The following TNS1 variants were observed in gnomAD, a reference collection of about 807,000 sequenced individuals.
TNS1 encodes the protein tensin-1.
TNS1 carries 62 observed loss-of-function variants against 168.6 expected under a neutral mutation model. That is an observed-to-expected ratio of 0.37 (90% CI 0.30 to 0.45). The LOEUF (loss-of-function observed/expected upper bound fraction) is 0.45, where lower values mean the gene tolerates loss of function less well. TNS1 is among the 20% of genes least tolerant of loss of function. The pLI is 1.00. For missense variants in TNS1, 2,240 were observed against 2,339.4 expected (o/e 0.96, Z 0.88); for synonymous variants, 934 against 933.2 (o/e 1.00, Z -0.02).
chr2:217,859,114 T>C (rs1330630743), intron 18 of TNS1: 1 of 170,904 alleles, frequency 5.9e-6, no homozygotes, highest in Non-Finnish European at 1.2e-5. Flanking sequence ...CCCAAACCCA[T>C]GGCAGCCCCA....
intron 3 of TNS1, among the ~76,000 whole-genome samples, chr2:217,964,200 T>C (rs1957568443): frequency 6.6e-6 from 1 of 152,254 alleles, no homozygotes. Flanking sequence ...AGAGGGGTGC[T>C]GATCATAATT....
At chr2:217,987,806 G>C (rs1481476417) in intron 2 of TNS1, among the ~76,000 whole-genome samples, 1 of 152,226 alleles carries the variant, frequency 6.6e-6, no homozygotes, top group East Asian at 1.9e-4. Flanking sequence ...ATGAGCTGGA[G>C]TTTGGTCCAC....
chr2:218,031,480 TG>T (rs1309863193), intron 1 of TNS1, among the ~76,000 whole-genome samples: 1 of 150,880 alleles, frequency 6.6e-6, no homozygotes, highest in Non-Finnish European at 1.5e-5. Flanking sequence ...TGTATGAGTG[TG>T]TGTTGTGTGT....
chr2:217,900,348 C>A, intron 7 of TNS1, 115 bp downstream of exon 7: 1 of 1,212,664 alleles, frequency 8.2e-7, no homozygotes, highest in East Asian at 2.6e-5. Flanking sequence ...CCACACTCCC[C>A]ACCCGTGGCT....
chr2:218,029,081 G>T (rs1042507631), intron 1 of TNS1, among the ~76,000 whole-genome samples: 1 of 152,166 alleles, frequency 6.6e-6, no homozygotes, highest in African/African-American at 2.4e-5. Context: ...TCAGCCTCAC[G>T]CCCTCCTGCC....
chr2:217,947,594 T>C (rs1180706377), intron 3 of TNS1, among the ~76,000 whole-genome samples: 2 of 151,908 alleles, frequency 1.3e-5, no homozygotes, highest in Non-Finnish European at 2.9e-5. Context: ...GAGCAATGAA[T>C]TGTGTGTGTC....
At chr2:218,030,773 C>T (rs1293966646) in intron 1 of TNS1, among the ~76,000 whole-genome samples, 3 of 152,136 alleles carry the variant, frequency 2.0e-5, no homozygotes, top group East Asian at 1.9e-4. Flanking sequence ...TTGAAATACA[C>T]GGGGTGGATA....
chr2:217,908,494 C>T (rs187724982), intron 4 of TNS1, among the ~76,000 whole-genome samples: 236 of 152,276 alleles, frequency 1.5e-3, no homozygotes, highest in Non-Finnish European at 8.5e-4. Context: ...GCACAAGAGG[C>T]GCCTGCTCCA....
chr2:217,954,029 A>G (rs527315824), intron 3 of TNS1, among the ~76,000 whole-genome samples: 1 of 152,328 alleles, frequency 6.6e-6, no homozygotes, highest in South Asian at 2.1e-4. Context: ...GGAGACACTG[A>G]TCCTGTAAGA....
chr2:217,919,349 C>G (rs576709487), intron 4 of TNS1, among the ~76,000 whole-genome samples: 1 of 152,228 alleles, frequency 6.6e-6, no homozygotes, highest in Non-Finnish European at 1.5e-5. Context: ...AGGCTCCTGC[C>G]GACATTAGTA....
intron 19 of TNS1, among the ~76,000 whole-genome samples, chr2:217,846,969 T>G (rs987337): frequency 0.42 from 63,316 of 152,096 alleles, 13,994 homozygotes; most frequent in African/African-American, 0.59. Context: ...TTTCATGGCC[T>G]CTAGGAGCGG....
chr2:217,889,380 A>T (rs1951524262), intron 12 of TNS1, among the ~76,000 whole-genome samples: 2 of 152,228 alleles, frequency 1.3e-5, no homozygotes, highest in South Asian at 4.1e-4. Context: ...GACCCTCAGC[A>T]TGATGAGGCT....
chr2:217,821,932 C>G lies in TNS1; in HGVS notation c.3380G>C (p.Arg1127Pro). ...CCGTGCCACAGACTCCACATAGCTC[C>G]GGGGCTCTGGAAGGGGCAAGAGGAC... ...DILLHPTGEP[R>P]SYVESVARTA... The change falls in exon 23 of 33, where the codon CGG (arginine) becomes CCG (proline). Residue 1127 changes from arginine to proline, a missense_variant. Physicochemically the swap from Arg to Pro is moderately radical, Grantham distance 103 (BLOSUM62 -2). Transcript: ENST00000682258. 1 of 1,584,246 alleles carries G rather than the reference C, an allele frequency of 6.3e-7. No homozygotes were observed. Among genetic ancestry groups the G allele is most frequent in the Non-Finnish European group, 8.6e-7 (1 of 1,165,394 alleles).
At position 217,917,212 on chromosome 2, in the gene TNS1, C is replaced by G. The variant is rs569423594; in HGVS notation, c.228+2983G>C. Among the ~76,000 whole-genome samples the G allele has an allele frequency of 1.1e-4, 17 of 152,270 alleles. No homozygotes were observed. In the East Asian group the frequency reaches 3.1e-3, roughly 28 times the overall value. ...GGACTCAACAGCCCCACCCATTCAC[C>G]AGCTAGGGAACATGGAGTCATAGCA... On this transcript the variant is annotated intron_variant, in intron 4 of 32. Coordinates refer to ENST00000682258, the MANE Select transcript of TNS1 (RefSeq NM_001387777.1).
rs1288229420 is a variant in TNS1 at position 217,802,957 on chromosome 2, T to A, written c.*1502A>T. 1 of 152,656 alleles carries A rather than the reference T, an allele frequency of 6.6e-6. No homozygotes were observed. Among genetic ancestry groups the A allele is most frequent in the Non-Finnish European group, 1.5e-5 (1 of 68,040 alleles). The allele number at this position is 152,656 out of a possible 1,614,324, so 9.5% of individuals were successfully genotyped here. ...CTGGCTTAGAGTCCTTAAATGGTGG[T>A]CAGGTGTTTTCCCAACTGTCCAGTG... On this transcript the variant is annotated 3_prime_UTR_variant, in exon 33 of 33. Coordinates refer to ENST00000682258, the MANE Select transcript of TNS1 (RefSeq NM_001387777.1).
chr2:217,808,007 C>T (rs1191755377), intron 32 of TNS1, 68 bp downstream of exon 32: 14 of 1,582,636 alleles, frequency 8.8e-6, no homozygotes, highest in Admixed American at 1.7e-5. Flanking sequence ...TCTAAATGTG[C>T]CCCGTGCTTC....
chr2:217,860,885 G>A (rs1243350000), intron 18 of TNS1, among the ~76,000 whole-genome samples: 2 of 152,072 alleles, frequency 1.3e-5, no homozygotes, highest in Non-Finnish European at 2.9e-5. Context: ...TCCTGCCAGT[G>A]GCAACCCCAT....
In TNS1 at chr2:217,884,929, C is replaced by A. The variant is rs1041390368; in HGVS notation, c.1246+106G>T. 6 of 1,440,960 alleles carry A rather than the reference C, an allele frequency of 4.2e-6. No individual in the cohort carries two copies. The African/African-American group carries it at 7.1e-5, about 17-fold the overall frequency. The allele number at this position is 1,440,960 out of a possible 1,614,324, so 89.3% of individuals were successfully genotyped here. Reference sequence around the variant, plus strand: ...ACCATCACCCTGAGACTAGACAGACCACATGGTCCAGAAAAGATGGTCCCC... The same window carrying A: ...ACCATCACCCTGAGACTAGACAGACAACATGGTCCAGAAAAGATGGTCCCC... On this transcript the variant is annotated intron_variant, in intron 16 of 32. Transcript: ENST00000682258.
In TNS1 at chr2:217,886,123, T is replaced by G. The variant is rs1951178869; in HGVS notation, c.980-19A>C. 1.2e-6 allele frequency: 2 copies of G among 1,609,954 alleles called. No individual in the cohort carries two copies. Among genetic ancestry groups the G allele is most frequent in the Admixed American group, 1.7e-5 (1 of 59,344 alleles). On this transcript the variant is annotated intron_variant, in intron 13 of 32. Coordinates refer to ENST00000682258, the MANE Select transcript of TNS1 (RefSeq NM_001387777.1). Reference sequence around the variant, plus strand: ...CGACATCCTGTAAAAGTGGGGTGGGTGTTAGCTAAGACAGCAGAAACTGGC... The same window carrying G: ...CGACATCCTGTAAAAGTGGGGTGGGGGTTAGCTAAGACAGCAGAAACTGGC...
Sources: gnomAD v4.1 joint callset for allele counts (sites outside exome capture counted in the v4.1 genomes callset) on GRCh38, gnomAD v4.1.1 for gene constraint, MANE v1.5 for transcripts, NCBI Gene and HGNC (gene_info 2026-07-23, HGNC 2026-07-21) for gene names.